The following PRKCH variants were observed in gnomAD, a reference collection of about 807,000 sequenced individuals.
PRKCH encodes the protein protein kinase C eta.
In PRKCH, 28 loss-of-function variants were observed where a neutral mutation model predicts 82.5. The ratio of observed to expected loss-of-function variants is 0.34; its 90% CI spans 0.25 to 0.47. The LOEUF is 0.47. Among genes scored for constraint, PRKCH ranks in the 20% least tolerant of loss-of-function variants. The pLI, the probability that PRKCH is intolerant of heterozygous loss-of-function variation, is 1.00. For missense variants in PRKCH, 705 were observed against 881.8 expected, an observed-to-expected ratio of 0.80 and a Z score of 2.54; for synonymous variants, 322 against 327.4, an observed-to-expected ratio of 0.98 and a Z score of 0.18.
intron 1 of PRKCH, among the ~76,000 whole-genome samples, chr14:61,358,687 A>G (rs530578501): frequency 6.6e-6 from 1 of 152,054 alleles, no homozygotes; most frequent in African/African-American, 2.4e-5. Context: ...TCAAAGGCCA[A>G]TCTCCTTAGC....
At chr14:61,338,192 C>T (rs1287445121) in intron 1 of PRKCH, among the ~76,000 whole-genome samples, 1 of 152,284 alleles carries the variant, frequency 6.6e-6, no homozygotes, top group South Asian at 2.1e-4. Flanking sequence ...CAGCCTCCCC[C>T]ACCACTTAGT....
At chr14:61,360,684 C>T (rs1006564817) in intron 1 of PRKCH, among the ~76,000 whole-genome samples, 2 of 152,146 alleles carry the variant, frequency 1.3e-5, no homozygotes, top group South Asian at 2.1e-4. Flanking sequence ...AAGGCAGGAT[C>T]TTCTACTTTT....
chr14:61,509,253 C>T lies in PRKCH; in HGVS notation c.1434-19822C>T, dbSNP rs114382789. 6.2e-3 allele frequency among the ~76,000 whole-genome samples: 940 copies of T among 152,206 alleles called. 20 individuals carry two copies. Among genetic ancestry groups the T allele is most frequent in the African/African-American group, 0.022 (893 of 41,490 alleles). ...TGACTTTTTTAGTTTGGAGAATGCC[C>T]TTCACCCTATGACTGGCATACCGCA... On this transcript the variant is annotated intron_variant, in intron 10 of 13. Coordinates refer to ENST00000332981, the MANE Select transcript of PRKCH (RefSeq NM_006255.5).
chr14:61,465,869 T>C (rs1234535109), intron 9 of PRKCH, among the ~76,000 whole-genome samples: 1 of 152,230 alleles, frequency 6.6e-6, no homozygotes, highest in Non-Finnish European at 1.5e-5. Flanking sequence ...ACATGTATTG[T>C]TTATTGCACG....
chr14:61,235,338 G>C (rs1018510771), intron 1 of PRKCH, among the ~76,000 whole-genome samples: 1 of 152,154 alleles, frequency 6.6e-6, no homozygotes, highest in Non-Finnish European at 1.5e-5. Context: ...ATGCTAATTT[G>C]TTTTTACCTT....
chr14:61,342,609 A>G (rs1279271422), intron 1 of PRKCH, among the ~76,000 whole-genome samples: 1 of 152,146 alleles, frequency 6.6e-6, no homozygotes, highest in East Asian at 1.9e-4. Context: ...GCGGGTTTGC[A>G]CTGTAAGTGT....
At chr14:61,241,802 A>C (rs979352498) in intron 1 of PRKCH, among the ~76,000 whole-genome samples, 1 of 152,186 alleles carries the variant, frequency 6.6e-6, no homozygotes, top group Non-Finnish European at 1.5e-5. Context: ...TCATGTATAA[A>C]ATGGGAATAA....
At chr14:61,493,423 AG>A (rs1433160882) in intron 10 of PRKCH, among the ~76,000 whole-genome samples, 2 of 152,182 alleles carry the variant, frequency 1.3e-5, no homozygotes, top group Non-Finnish European at 1.5e-5. Context: ...GCTCCCTTTA[AG>A]GGGCCTCCTG....
intron 9 of PRKCH, among the ~76,000 whole-genome samples, chr14:61,462,539 C>T (rs1042087481): frequency 1.3e-5 from 2 of 152,240 alleles, no homozygotes; most frequent in African/African-American, 2.4e-5. Context: ...GCTGTGCATT[C>T]GTCTGTTGGA....
At chr14:61,269,448 T>C (rs1434480787) in intron 1 of PRKCH, among the ~76,000 whole-genome samples, 1 of 152,168 alleles carries the variant, frequency 6.6e-6, no homozygotes, top group African/African-American at 2.4e-5. Context: ...GTTGTACAGA[T>C]TATTTCATCA....
chr14:61,422,816 C>T (rs1242340877), intron 2 of PRKCH, among the ~76,000 whole-genome samples: 1 of 152,124 alleles, frequency 6.6e-6, no homozygotes, highest in Non-Finnish European at 1.5e-5. Flanking sequence ...GAAGCAGAAA[C>T]ATTGCAGTAG....
intron 1 of PRKCH, among the ~76,000 whole-genome samples, chr14:61,255,532 T>TA (rs1024658568): frequency 5.9e-5 from 9 of 151,866 alleles, no homozygotes; most frequent in Non-Finnish European, 1.3e-4. Context: ...ATTATTATCT[T>TA]AAAAAAAAGA....
intron 1 of PRKCH, among the ~76,000 whole-genome samples, chr14:61,258,716 A>C (rs1487889244): frequency 6.6e-6 from 1 of 152,228 alleles, no homozygotes; most frequent in East Asian, 1.9e-4. Flanking sequence ...GACAAATATT[A>C]TTATTAAAGT....
chr14:61,384,819 G>A (rs1243593230), intron 1 of PRKCH, among the ~76,000 whole-genome samples: 10 of 152,056 alleles, frequency 6.6e-5, no homozygotes, highest in Non-Finnish European at 1.3e-4. Flanking sequence ...GTAGAACAGA[G>A]TAGTAGAAAC....
At chr14:61,269,676 C>T (rs544790705) in intron 1 of PRKCH, among the ~76,000 whole-genome samples, 4 of 152,290 alleles carry the variant, frequency 2.6e-5, no homozygotes, top group African/African-American at 9.6e-5. Context: ...TACACAATCC[C>T]CTAAGAGCAG....
intron 10 of PRKCH, among the ~76,000 whole-genome samples, chr14:61,498,217 T>A (rs999725360): frequency 1.3e-5 from 2 of 152,116 alleles, no homozygotes; most frequent in African/African-American, 4.8e-5. Context: ...TTTCACCATG[T>A]TGGCCAGGCT....
At chr14:61,539,068 A>G (rs1231108137) in intron 12 of PRKCH, among the ~76,000 whole-genome samples, 1 of 152,194 alleles carries the variant, frequency 6.6e-6, no homozygotes, top group Non-Finnish European at 1.5e-5. Context: ...AATCCGCCCC[A>G]TCAGTCAGAG....
chr14:61,481,944 C>G (rs1036441838), intron 9 of PRKCH, among the ~76,000 whole-genome samples: 11 of 151,810 alleles, frequency 7.2e-5, no homozygotes, highest in African/African-American at 2.7e-4. Context: ...TGACTCCTCA[C>G]CCCACCACCC....
chr14:61,541,794 G>A (rs2140031467), intron 12 of PRKCH, among the ~76,000 whole-genome samples: 1 of 152,300 alleles, frequency 6.6e-6, no homozygotes, highest in East Asian at 1.9e-4. Flanking sequence ...GTTATTTCAA[G>A]ACTCATAATG....
Sources: allele counts gnomAD v4.1 joint callset (sites outside exome capture counted in the v4.1 genomes callset), GRCh38; gene constraint gnomAD v4.1.1; transcripts MANE v1.5; gene names NCBI Gene and HGNC (gene_info 2026-07-23, HGNC 2026-07-21).